Variants in GRM8 observed in about 807,000 individuals in gnomAD.
The protein encoded by GRM8 is metabotropic glutamate receptor 8.
GRM8 carries 47 observed loss-of-function variants against 87.2 expected under a neutral mutation model. The observed-to-expected ratio is 0.54, with a 90% CI of 0.43 to 0.69. The LOEUF is 0.69. Among genes scored for constraint, GRM8 ranks in the 30% least tolerant of loss-of-function variants. The pLI is 0.00. For missense variants in GRM8, 1,019 were observed against 1,139.2 expected (o/e 0.89, Z 1.52); for synonymous variants, 396 against 404.5 (o/e 0.98, Z 0.25).
chr7:127,033,231 T>C (rs1817550241), intron 3 of GRM8, among the ~76,000 whole-genome samples: 1 of 152,176 alleles, frequency 6.6e-6, no homozygotes, highest in East Asian at 1.9e-4. Flanking sequence ...TTTAATCAGA[T>C]TGAATAGCAA....
chr7:126,546,698 G>A (rs1407581268), intron 8 of GRM8, among the ~76,000 whole-genome samples: 1 of 152,168 alleles, frequency 6.6e-6, no homozygotes, highest in Non-Finnish European at 1.5e-5. Flanking sequence ...TAAGGTAAAT[G>A]TTTGTTTCAT....
intron 9 of GRM8, chr7:126,512,772 C>T (rs1811584018): frequency 6.6e-6 from 1 of 152,134 alleles, no homozygotes; most frequent in Admixed American, 6.6e-5. Flanking sequence ...AGATGAATGA[C>T]TTGGAATTGC....
chr7:126,471,038 G>GT (rs1805138797), intron 9 of GRM8, among the ~76,000 whole-genome samples: 1 of 152,194 alleles, frequency 6.6e-6, no homozygotes, highest in Admixed American at 6.5e-5. Flanking sequence ...TGATGGGGTT[G>GT]TTTGTTTTTT....
intron 10 of GRM8, among the ~76,000 whole-genome samples, chr7:126,441,913 T>A (rs1801510142): frequency 6.6e-6 from 1 of 152,080 alleles, no homozygotes. Context: ...TCTACATTGC[T>A]TATCCTTCTA....
intron 7 of GRM8, among the ~76,000 whole-genome samples, chr7:126,718,192 A>ACGCCACTGCACTCAGTGTGACAG (rs1367706259): frequency 3.9e-5 from 6 of 152,222 alleles, no homozygotes; most frequent in East Asian, 1.9e-4. Flanking sequence ...AGCCGAGATC[A>ACGCCACTGCACTCAGTGTGACAG]CGCCACTGCA....
chr7:127,152,470 A>G (rs545478311), intron 2 of GRM8, among the ~76,000 whole-genome samples: 7 of 152,248 alleles, frequency 4.6e-5, no homozygotes, highest in Admixed American at 1.3e-4. Context: ...AGCATGATTG[A>G]GAGTATCTAT....
intron 6 of GRM8, among the ~76,000 whole-genome samples, chr7:126,860,738 A>G (rs779263017): frequency 1.6e-4 from 25 of 152,166 alleles, no homozygotes; most frequent in Non-Finnish European, 2.5e-4. Context: ...TACATTCTAT[A>G]TAACACATTT....
At chr7:126,873,451 C>T (rs1207782904) in intron 6 of GRM8, among the ~76,000 whole-genome samples, 1 of 152,032 alleles carries the variant, frequency 6.6e-6, no homozygotes, top group African/African-American at 2.4e-5. Flanking sequence ...ATTTAACTCT[C>T]ACACACCCTT....
chr7:126,825,067 T>C (rs1794633789), intron 6 of GRM8, among the ~76,000 whole-genome samples: 1 of 152,186 alleles, frequency 6.6e-6, no homozygotes, highest in Non-Finnish European at 1.5e-5. Context: ...AAACATGTAC[T>C]TTTTTTGTTG....
intron 6 of GRM8, among the ~76,000 whole-genome samples, chr7:126,814,692 T>A (rs34461965): frequency 1.4e-5 from 2 of 144,558 alleles, no homozygotes; most frequent in Non-Finnish European, 3.0e-5. Context: ...CTAATAATGG[T>A]TCTTTTTCTC....
chr7:127,178,106 C>G (rs1340816214), intron 2 of GRM8, among the ~76,000 whole-genome samples: 2 of 151,996 alleles, frequency 1.3e-5, no homozygotes, highest in Non-Finnish European at 2.9e-5. Flanking sequence ...AAAAATAATG[C>G]AAGAACTGAA....
intron 1 of GRM8, among the ~76,000 whole-genome samples, chr7:127,245,224 A>T (rs1171706826): frequency 1.3e-5 from 2 of 152,254 alleles, no homozygotes; most frequent in Non-Finnish European, 2.9e-5. Flanking sequence ...TAACAGTTTC[A>T]CAAGGAAAAC....
At chr7:126,856,421 G>A (rs1181768397) in intron 6 of GRM8, among the ~76,000 whole-genome samples, 2 of 152,202 alleles carry the variant, frequency 1.3e-5, no homozygotes, top group East Asian at 3.9e-4. Flanking sequence ...CATACAGTTT[G>A]AGTGATTAGA....
At chr7:126,880,140 T>C (rs1366204881) in intron 6 of GRM8, among the ~76,000 whole-genome samples, 2 of 152,184 alleles carry the variant, frequency 1.3e-5, no homozygotes, top group Non-Finnish European at 2.9e-5. Flanking sequence ...ACGTGCCTGA[T>C]ACCCATTCAT....
chr7:127,211,948 A>G (rs759155188), intron 2 of GRM8, among the ~76,000 whole-genome samples: 2 of 152,208 alleles, frequency 1.3e-5, no homozygotes, highest in Non-Finnish European at 2.9e-5. Flanking sequence ...TAATAATTTC[A>G]CTATTACCCC....
intron 6 of GRM8, among the ~76,000 whole-genome samples, chr7:126,850,314 C>T (rs961801808): frequency 3.9e-5 from 6 of 152,174 alleles, no homozygotes; most frequent in Non-Finnish European, 7.3e-5. Context: ...TTAATTGACC[C>T]CTTGTCATCT....
At chr7:127,191,028 A>T (rs1587238661) in intron 2 of GRM8, among the ~76,000 whole-genome samples, 1 of 152,196 alleles carries the variant, frequency 6.6e-6, no homozygotes, top group East Asian at 1.9e-4. Flanking sequence ...ATCCTATCTG[A>T]TATAACAAGG....
intron 3 of GRM8, among the ~76,000 whole-genome samples, chr7:127,020,200 A>G (rs1174078180): frequency 6.6e-6 from 1 of 152,142 alleles, no homozygotes; most frequent in African/African-American, 2.4e-5. Context: ...CTAGTAAGTT[A>G]GTATTATGTA....
intron 7 of GRM8, among the ~76,000 whole-genome samples, chr7:126,679,577 T>C (rs1403467412): frequency 3.3e-5 from 5 of 152,164 alleles, no homozygotes; most frequent in Non-Finnish European, 7.3e-5. Context: ...AATATAGTGT[T>C]GATTAGGACC....
Sources: allele counts gnomAD v4.1 joint callset (sites outside exome capture counted in the v4.1 genomes callset), GRCh38; gene constraint gnomAD v4.1.1; transcripts MANE v1.5; gene names NCBI Gene and HGNC (gene_info 2026-07-23, HGNC 2026-07-21).